The following HPSE variants were observed in gnomAD, a reference collection of about 807,000 sequenced individuals.
HPSE encodes heparanase.
HPSE carries 48 observed loss-of-function variants against 65.1 expected under a neutral mutation model. That is an observed-to-expected ratio of 0.74 (90% confidence interval 0.58 to 0.94). The LOEUF (loss-of-function observed/expected upper bound fraction) is 0.94, where lower values mean the gene tolerates loss of function less well. Among genes scored for constraint, HPSE ranks in the 40% least tolerant of loss-of-function variants. The pLI, the probability that HPSE is intolerant of heterozygous loss-of-function variation, is 0.00. For missense variants in HPSE, 644 were observed against 637.5 expected, an observed-to-expected ratio of 1.01 and a Z score of -0.11; for synonymous variants, 243 against 260.0, an observed-to-expected ratio of 0.93 and a Z score of 0.63.
At chr4:83,297,686 G>A (rs984336187) in intron 11 of HPSE, among the ~76,000 whole-genome samples, 3 of 152,108 alleles carry the variant, frequency 2.0e-5, no homozygotes, top group South Asian at 2.1e-4. Flanking sequence ...TCAATAGCAC[G>A]CCCATGATTG....
chr4:83,315,894 C>A (rs1419964642), intron 3 of HPSE, among the ~76,000 whole-genome samples: 1 of 152,230 alleles, frequency 6.6e-6, no homozygotes, highest in Non-Finnish European at 1.5e-5. Flanking sequence ...TCCATTTCTT[C>A]ATTCTTCCAA....
At chr4:83,312,162 G>A (rs1035686903) in intron 4 of HPSE, among the ~76,000 whole-genome samples, 2 of 152,156 alleles carry the variant, frequency 1.3e-5, no homozygotes, top group Admixed American at 6.5e-5. Flanking sequence ...AGCTTGCCAA[G>A]CATAATAGGG....
At chr4:83,296,356 T>G (rs1334176381) in intron 11 of HPSE, among the ~76,000 whole-genome samples, 1 of 152,136 alleles carries the variant, frequency 6.6e-6, no homozygotes, top group East Asian at 1.9e-4. Flanking sequence ...GTCAACAAAG[T>G]TAGCACTCTT....
At chr4:83,310,974 A>C in intron 4 of HPSE, 84 bp from the exon 5 acceptor site, 1 of 1,134,388 alleles carries the variant, frequency 8.8e-7, no homozygotes, top group Non-Finnish European at 1.3e-6. Flanking sequence ...AAGCAACAAA[A>C]CATTTTCCAA....
intron 1 of HPSE, among the ~76,000 whole-genome samples, chr4:83,324,266 C>T (rs1245689639): frequency 1.3e-5 from 2 of 151,836 alleles, no homozygotes; most frequent in African/African-American, 4.8e-5. Context: ...GGATTATAGG[C>T]GTGAACCACC....
At chr4:83,310,145 G>T in intron 5 of HPSE, 67 bp from the exon 6 acceptor site, 2 of 1,063,114 alleles carry the variant, frequency 1.9e-6, no homozygotes, top group African/African-American at 1.6e-5. Flanking sequence ...ACGCATGAGA[G>T]TTTTATTCCC....
intron 1 of HPSE, among the ~76,000 whole-genome samples, chr4:83,325,945 AGAGAGG>A (rs1337000860): frequency 8.3e-4 from 126 of 152,324 alleles, no homozygotes; most frequent in African/African-American, 2.9e-3. Flanking sequence ...AGATGGGGGC[AGAGAGG>A]CTGGGAGAGA....
intron 1 of HPSE, among the ~76,000 whole-genome samples, chr4:83,332,887 T>C (rs540202787): frequency 6.4e-4 from 98 of 152,024 alleles, no homozygotes; most frequent in Non-Finnish European, 7.1e-4. Context: ...TTTCAGTAAA[T>C]GGACATCTAC....
rs895553314 is a variant in HPSE at position 83,293,603 on chromosome 4, A to G, written c.*1741T>C. On this transcript the variant is annotated 3_prime_UTR_variant, in exon 12 of 12. Transcript: ENST00000311412. ...CAGCCAAAAGCTTCCCAACTGAAACAAGGAAGAAAGGTAGAGAAAAAGCAA... is the reference window on the plus strand; with the variant it reads ...CAGCCAAAAGCTTCCCAACTGAAACGAGGAAGAAAGGTAGAGAAAAAGCAA... 1 of 152,246 alleles carries G rather than the reference A, an allele frequency of 6.6e-6. No individual in the cohort carries two copies. Among genetic ancestry groups the G allele is most frequent in the East Asian group, 1.9e-4 (1 of 5,202 alleles). 9.4% of individuals were successfully genotyped at this position (152,246 alleles called of 1,614,324 possible).
At chr4:83,313,343 C>T in intron 3 of HPSE, 56 bp from the exon 4 acceptor site, 8 of 1,162,962 alleles carry the variant, frequency 6.9e-6, no homozygotes, top group African/African-American at 1.6e-5. Flanking sequence ...TGAAGGCCTC[C>T]AGATTCGCTT....
chr4:83,319,330 C>T lies in HPSE; in HGVS notation c.499+14G>A, dbSNP rs1044679664. The T allele has an allele frequency of 7.4e-6, 12 of 1,613,174 alleles. No individual in the cohort carries two copies. The highest frequency in any genetic ancestry group is 1.0e-5 in the Non-Finnish European group (12 of 1,179,506). ...TGGGGCTGGAACATCTCTAGGGTGC[C>T]TTTCATTTCTTACTTGAGTAGGTGC... On this transcript the variant is annotated intron_variant, in intron 3 of 11. Coordinates refer to ENST00000311412, the MANE Select transcript of HPSE (RefSeq NM_001098540.3).
chr4:83,317,636 T>G (rs1403079485), intron 3 of HPSE, among the ~76,000 whole-genome samples: 1 of 152,164 alleles, frequency 6.6e-6, no homozygotes, highest in African/African-American at 2.4e-5. Context: ...ACCTACCATT[T>G]TGGTAACAGA....
Position 83,319,471 on chromosome 4 carries a change from T to C in HPSE, c.374-2A>G. 1 of 1,613,514 alleles carries C rather than the reference T, an allele frequency of 6.2e-7. No homozygotes were observed. Reference sequence around the variant, plus strand: ...GGATGGATCCATATTTGCAAATATCTGCAAGTGGAAGAGATCATTTAGAAG... The same window carrying C: ...GGATGGATCCATATTTGCAAATATCCGCAAGTGGAAGAGATCATTTAGAAG... On this transcript the variant is annotated splice_acceptor_variant, in intron 2 of 11. Transcript: ENST00000311412. LOFTEE classifies it high-confidence loss of function.
In HPSE at chr4:83,319,395, A is replaced by G. The variant is rs773470969; in HGVS notation, c.448T>C (p.Leu150=). The G allele has an allele frequency of 7.4e-6, 12 of 1,613,786 alleles. No homozygotes were observed. The highest frequency in any genetic ancestry group is 1.6e-4 in the Middle Eastern group (1 of 6,082). Residue 150 remains leucine, a synonymous_variant, in exon 3 of 12, where the codon TTG becomes CTG. Coordinates refer to ENST00000311412, the MANE Select transcript of HPSE (RefSeq NM_001098540.3). ...TTCTGGTAGTGTTCTCGGAGTAGCA[A>G]TTGCTCCTGGTAGGGCCATTCCAAC... ...LRLEWPYQEQ[L]LLREHYQKKF...
chr4:83,312,546 C>T (rs1004854444), intron 4 of HPSE, among the ~76,000 whole-genome samples: 2 of 147,938 alleles, frequency 1.4e-5, no homozygotes, highest in Non-Finnish European at 1.5e-5. Flanking sequence ...GGCGTGGTGG[C>T]GGGTGCGTGT....
Sources: allele counts gnomAD v4.1 joint callset (sites outside exome capture counted in the v4.1 genomes callset), GRCh38; gene constraint gnomAD v4.1.1; transcripts MANE v1.5; gene names NCBI Gene and HGNC (gene_info 2026-07-23, HGNC 2026-07-21).